Variants in LUZP2 observed in about 807,000 individuals in gnomAD.
LUZP2 encodes the protein leucine zipper protein 2.
LUZP2 carries 52 observed loss-of-function variants against 51.6 expected under a neutral mutation model. The observed-to-expected ratio is 1.01, with a 90% CI of 0.81 to 1.27. The LOEUF is 1.27. Ranked by LOEUF, LUZP2 falls within the 50% of genes most tolerant of loss-of-function variation. The pLI is 0.00. For synonymous variants in LUZP2, 154 were observed against 137.3 expected (o/e 1.12, Z -0.85); for missense variants, 436 against 395.4 (o/e 1.10, Z -0.87).
intron 1 of LUZP2, among the ~76,000 whole-genome samples, chr11:24,625,770 G>T (rs1854656432): frequency 6.6e-6 from 1 of 151,926 alleles, no homozygotes; most frequent in Non-Finnish European, 1.5e-5. Flanking sequence ...ATTGAAGTAG[G>T]GGAATAACTA....
At chr11:24,785,299 A>G (rs1045312358) in intron 5 of LUZP2, among the ~76,000 whole-genome samples, 2 of 152,052 alleles carry the variant, frequency 1.3e-5, no homozygotes, top group Non-Finnish European at 2.9e-5. Flanking sequence ...TCTTCAGAGG[A>G]AAAAGGAGAG....
intron 1 of LUZP2, among the ~76,000 whole-genome samples, chr11:24,656,313 G>A (rs574582475): frequency 1.3e-5 from 2 of 152,110 alleles, no homozygotes; most frequent in African/African-American, 4.8e-5. Context: ...ATATTCTTAA[G>A]AGGAAAAAAG....
At chr11:24,624,718 G>A (rs1854619047) in intron 1 of LUZP2, among the ~76,000 whole-genome samples, 1 of 152,142 alleles carries the variant, frequency 6.6e-6, no homozygotes, top group African/African-American at 2.4e-5. Context: ...ATCCTATTAT[G>A]TTATTAGCTG....
At chr11:24,916,241 G>A (rs1251360491) in intron 7 of LUZP2, among the ~76,000 whole-genome samples, 3 of 151,934 alleles carry the variant, frequency 2.0e-5, no homozygotes, top group Admixed American at 6.6e-5. Context: ...AGAGACTTGA[G>A]TTACTTTATA....
intron 1 of LUZP2, among the ~76,000 whole-genome samples, chr11:24,682,123 G>T (rs1856755071): frequency 6.6e-6 from 1 of 152,144 alleles, no homozygotes; most frequent in Non-Finnish European, 1.5e-5. Context: ...ATTGAAAATA[G>T]TTCTAAGATA....
rs199914613 is a variant in LUZP2, at chr11:24,675,814, T to TGTTC, written c.63-53355_63-53354insGTTC. Among the ~76,000 whole-genome samples, 13 of 150,116 alleles carry TGTTC rather than the reference T, an allele frequency of 8.7e-5. 1 individual carries two copies. The East Asian group carries it at 1.6e-3, about 18-fold the overall frequency. Reference sequence around the variant, plus strand: ...ATATTTATTTATTTATTTATTTATTTATTTATTTATTTATTTATTTTTGAG... The same window carrying TGTTC: ...ATATTTATTTATTTATTTATTTATTTGTTCATTTATTTATTTATTTATTTTTGAG... On this transcript the variant is annotated intron_variant, in intron 1 of 11. Transcript: ENST00000336930.
rs1463311234 is a variant in LUZP2 at position 24,863,812 on chromosome 11, T to G, written c.397-42179T>G. Reference sequence around the variant, plus strand: ...CTCAACCTCAGCAGCCTGATATTGCTAGTCCTTTTTGCACATAAAAGACTG... The same window carrying G: ...CTCAACCTCAGCAGCCTGATATTGCGAGTCCTTTTTGCACATAAAAGACTG... On this transcript the variant is annotated intron_variant, in intron 5 of 11. Transcript: ENST00000336930. 2.0e-5 allele frequency among the ~76,000 whole-genome samples: 3 copies of G among 152,162 alleles called. No individual in the cohort carries two copies. In the East Asian group the frequency reaches 5.8e-4, roughly 29 times the overall value.
At chr11:24,596,913 C>A (rs1590220983) in intron 1 of LUZP2, among the ~76,000 whole-genome samples, 1 of 152,094 alleles carries the variant, frequency 6.6e-6, no homozygotes, top group East Asian at 1.9e-4. Flanking sequence ...ATTTTTAAAT[C>A]TCTGTTTTTC....
chr11:25,046,719 A>G (rs1490625925), intron 9 of LUZP2, among the ~76,000 whole-genome samples: 1 of 152,178 alleles, frequency 6.6e-6, no homozygotes, highest in Non-Finnish European at 1.5e-5. Flanking sequence ...TCACCAAAAT[A>G]TTATCTATAA....
intron 9 of LUZP2, among the ~76,000 whole-genome samples, chr11:25,002,586 T>A (rs1285566783): frequency 6.6e-6 from 1 of 152,140 alleles, no homozygotes; most frequent in Non-Finnish European, 1.5e-5. Flanking sequence ...ATTATTTTGG[T>A]AGCCTCTGAC....
At chr11:24,982,114 A>G (rs996996808) in intron 8 of LUZP2, among the ~76,000 whole-genome samples, 3 of 151,880 alleles carry the variant, frequency 2.0e-5, no homozygotes, top group East Asian at 1.9e-4. Flanking sequence ...AAAATAACAG[A>G]TGGTTGTGAG....
chr11:24,788,246 G>A (rs754037724), intron 5 of LUZP2, among the ~76,000 whole-genome samples: 117 of 137,370 alleles, frequency 8.5e-4, no homozygotes, highest in Non-Finnish European at 1.3e-3. Flanking sequence ...CTGGAGTGCA[G>A]TGGCACAATC....
chr11:24,843,971 G>T (rs534026771), intron 5 of LUZP2, among the ~76,000 whole-genome samples: 1 of 152,106 alleles, frequency 6.6e-6, no homozygotes, highest in African/African-American at 2.4e-5. Flanking sequence ...CCAATCTCAG[G>T]TATGTCTTTA....
intron 1 of LUZP2, among the ~76,000 whole-genome samples, chr11:24,608,182 G>C (rs980324193): frequency 3.9e-5 from 6 of 152,054 alleles, no homozygotes; most frequent in African/African-American, 1.4e-4. Flanking sequence ...TAAGGGTACA[G>C]CCAGCAAAGA....
chr11:24,986,114 A>C (rs1856180553), intron 9 of LUZP2, among the ~76,000 whole-genome samples: 1 of 151,756 alleles, frequency 6.6e-6, no homozygotes, highest in African/African-American at 2.4e-5. Flanking sequence ...AAAATAGAGC[A>C]TGCATGTCAC....
rs191807299 is a variant in LUZP2 at position 24,585,207 on chromosome 11, G to A, written c.62+87902G>A. ...GGAGAAAATATGTGCCTCTTTCCCTGCCTCATCTTCTATTCGGTGTTTATT... is the reference window on the plus strand; with the variant it reads ...GGAGAAAATATGTGCCTCTTTCCCTACCTCATCTTCTATTCGGTGTTTATT... On this transcript the variant is annotated intron_variant, in intron 1 of 11. Transcript: ENST00000336930. 2.4e-3 allele frequency among the ~76,000 whole-genome samples: 363 copies of A among 152,088 alleles called. 2 individuals are homozygous for A. The highest frequency in any genetic ancestry group is 3.9e-3 in the Non-Finnish European group (264 of 67,892).
chr11:24,992,233 C>G (rs776068819), intron 9 of LUZP2, among the ~76,000 whole-genome samples: 2 of 152,070 alleles, frequency 1.3e-5, no homozygotes, highest in Non-Finnish European at 2.9e-5. Flanking sequence ...GTAAGAAAAT[C>G]ACACTTAGTG....
At chr11:25,009,732 A>C (rs951088453) in intron 9 of LUZP2, among the ~76,000 whole-genome samples, 9 of 152,222 alleles carry the variant, frequency 5.9e-5, no homozygotes, top group African/African-American at 1.9e-4. Context: ...CTTTACATTT[A>C]AGAGTCAAGT....
At chr11:24,747,668 C>T (rs1859429322) in intron 4 of LUZP2, among the ~76,000 whole-genome samples, 1 of 152,026 alleles carries the variant, frequency 6.6e-6, no homozygotes, top group African/African-American at 2.4e-5. Flanking sequence ...TAGGGAAGGA[C>T]CATCAGGTTG....
Sources: gnomAD v4.1 joint callset for allele counts (sites outside exome capture counted in the v4.1 genomes callset) on GRCh38, gnomAD v4.1.1 for gene constraint, MANE v1.5 for transcripts, NCBI Gene and HGNC (gene_info 2026-07-23, HGNC 2026-07-21) for gene names.